The following PIEZO2 variants were observed in gnomAD, a reference collection of about 807,000 sequenced individuals.
The protein encoded by PIEZO2 is piezo-type mechanosensitive ion channel component 2.
A neutral mutation model predicts 337.3 loss-of-function variants in PIEZO2; 172 were observed. The observed-to-expected ratio is 0.51, with a 90% CI of 0.45 to 0.58. The LOEUF (loss-of-function observed/expected upper bound fraction) is 0.58, where lower values mean the gene tolerates loss of function less well. Ranked by LOEUF, PIEZO2 falls within the 20% of genes least tolerant of loss-of-function variation. The pLI is 0.00. For missense variants in PIEZO2, 3,028 were observed against 3,391.3 expected (o/e 0.89, Z 2.66); for synonymous variants, 1,251 against 1,228.5 (o/e 1.02, Z -0.38).
chr18:10,731,949 T>C (rs981649798), intron 35 of PIEZO2, among the ~76,000 whole-genome samples: 15 of 152,144 alleles, frequency 9.9e-5, no homozygotes, highest in Non-Finnish European at 1.8e-4. Flanking sequence ...TTTGGGAAAA[T>C]AGTTTTGTGC....
rs2040367978 is a variant in PIEZO2, at chr18:11,132,465, A to G, written c.64+16060T>C. On this transcript the variant is annotated intron_variant, in intron 1 of 55. Transcript: ENST00000674853. The surrounding 1 kb of genome is among the most constrained non-coding windows in gnomAD (Gnocchi z 4.7). ...TTGCAGGGCTGGGGCAAAGTTCTCC[A>G]GAAGGCCGTGTATGCTCTGAATCAA... Among the ~76,000 whole-genome samples, 1 of 152,206 alleles carries G rather than the reference A, an allele frequency of 6.6e-6. No individual in the cohort carries two copies. The highest frequency in any genetic ancestry group is 2.4e-5 in the African/African-American group (1 of 41,468).
In PIEZO2 at chr18:11,148,825, T is replaced by C. The variant is rs1380122389; in HGVS notation, c.-237A>G. The C allele has an allele frequency of 9.1e-6, 4 of 440,792 alleles. No homozygotes were observed. The highest frequency in any genetic ancestry group is 5.8e-4 in the Middle Eastern group (1 of 1,716). 27.3% of individuals were successfully genotyped at this position (440,792 alleles called of 1,614,324 possible). On this transcript the variant is annotated 5_prime_UTR_variant, in exon 1 of 56. Transcript: ENST00000674853. This position sits in a 1 kb window ranked among gnomAD's most constrained non-coding sequence, Gnocchi z 5.2. ...CCTCACCAGGCTCTTGGCGGCCACC[T>C]AGCCCGGCGCCCGGCCCCCTGCGGC...
rs2038249734 is a variant in PIEZO2 at position 11,069,074 on chromosome 18, G to A, written c.65-2852C>T. Among the ~76,000 whole-genome samples the A allele has an allele frequency of 6.6e-6, 1 of 152,022 alleles. No individual in the cohort carries two copies. The highest frequency in any genetic ancestry group is 6.6e-5 in the Admixed American group (1 of 15,266). ...AAATGAATAAATAAATAAAAGCCCA[G>A]GACCTCATGAATTCTACCAAACATT... On this transcript the variant is annotated intron_variant, in intron 1 of 55. Coordinates refer to ENST00000674853, the MANE Select transcript of PIEZO2 (RefSeq NM_001378183.1). The surrounding 1 kb of genome is among the most constrained non-coding windows in gnomAD (Gnocchi z 4.9).
chr18:10,764,076 G>T (rs984769847), intron 21 of PIEZO2, among the ~76,000 whole-genome samples: 1 of 152,154 alleles, frequency 6.6e-6, no homozygotes, highest in Non-Finnish European at 1.5e-5. Context: ...ATGCGAGTTC[G>T]TTGATCAGGC....
intron 1 of PIEZO2, among the ~76,000 whole-genome samples, chr18:11,114,601 G>T (rs2039830933): frequency 6.6e-6 from 1 of 152,092 alleles, no homozygotes; most frequent in Admixed American, 6.6e-5. Flanking sequence ...GGAGGTGGAG[G>T]TTGCAGTGAG....
intron 49 of PIEZO2, among the ~76,000 whole-genome samples, chr18:10,688,252 C>A (rs759737069): frequency 6.6e-6 from 1 of 152,084 alleles, no homozygotes; most frequent in Non-Finnish European, 1.5e-5. Flanking sequence ...TGAGAACATG[C>A]GGTGTTTGGT....
chr18:10,900,139 G>C (rs967451690), intron 4 of PIEZO2, among the ~76,000 whole-genome samples: 1 of 151,414 alleles, frequency 6.6e-6, no homozygotes, highest in African/African-American at 2.4e-5. Flanking sequence ...CCTAGGTAAA[G>C]CTCTCAACAG....
intron 2 of PIEZO2, among the ~76,000 whole-genome samples, chr18:11,022,047 T>C (rs2036331457): frequency 6.6e-6 from 1 of 152,176 alleles, no homozygotes; most frequent in African/African-American, 2.4e-5. Flanking sequence ...TGAAACACTT[T>C]GTAATCGATC....
chr18:11,085,915 C>A (rs991886982), intron 1 of PIEZO2, among the ~76,000 whole-genome samples: 59 of 151,144 alleles, frequency 3.9e-4, no homozygotes, highest in Non-Finnish European at 4.0e-4. Context: ...ATAATGGAAA[C>A]CCTAATGGTA....
intron 1 of PIEZO2, among the ~76,000 whole-genome samples, chr18:11,117,115 A>C (rs1448429975): frequency 6.6e-6 from 1 of 152,206 alleles, no homozygotes; most frequent in Non-Finnish European, 1.5e-5. Flanking sequence ...CCCCCACAAA[A>C]AAATTGTGTA....
In PIEZO2 at chr18:10,794,988, G is replaced by T. The variant is rs1598489450; in HGVS notation, c.1542C>A (p.Thr514=). The T allele has an allele frequency of 6.5e-7, 1 of 1,548,000 alleles. No homozygotes were observed. Among genetic ancestry groups the T allele is most frequent in the Non-Finnish European group, 8.7e-7 (1 of 1,147,012 alleles). The part of the protein sequence containing the change: ...ALIAMMAWSI[T]YHSWLTFVLL... ...GCACGAAGGTCAGCCAGCTGTGATA[G>T]GTGATGCTCCAGGCCTCCGGAGGAC... is the stretch of plus-strand genomic sequence containing the variant. Residue 514 remains threonine (T), a synonymous_variant, in exon 13 of 56, where the codon ACC becomes ACA. Coordinates refer to ENST00000674853, the MANE Select transcript of PIEZO2 (RefSeq NM_001378183.1). This position sits in a 1 kb window ranked among gnomAD's most constrained non-coding sequence, Gnocchi z 6.6.
chr18:10,855,258 C>T lies in PIEZO2; in HGVS notation c.917+95G>A. ...GCTTAACACAGCAATTGCCTGCCATCAAGAATAACCCCTGTAAATTCACAA... is the reference window on the plus strand; with the variant it reads ...GCTTAACACAGCAATTGCCTGCCATTAAGAATAACCCCTGTAAATTCACAA... On this transcript the variant is annotated intron_variant, in intron 7 of 55. Coordinates refer to ENST00000674853, the MANE Select transcript of PIEZO2 (RefSeq NM_001378183.1). This position sits in a 1 kb window ranked among gnomAD's most constrained non-coding sequence, Gnocchi z 4.9. The T allele has an allele frequency of 8.8e-7, 1 of 1,132,478 alleles. No individual in the cohort carries two copies. The highest frequency in any genetic ancestry group is 1.5e-5 in the South Asian group (1 of 68,346). The allele number at this position is 1,132,478 out of a possible 1,614,324, so 70.2% of individuals were successfully genotyped here. A position where few individuals can be genotyped will look rare whatever the true frequency, so the allele number is the denominator to read the frequency against.
intron 2 of PIEZO2, among the ~76,000 whole-genome samples, chr18:11,055,348 G>A (rs936653246): frequency 6.6e-6 from 1 of 152,162 alleles, no homozygotes; most frequent in African/African-American, 2.4e-5. Context: ...TCTTGCTATG[G>A]ATTTGTCGCA....
In PIEZO2 at chr18:10,748,685, T is replaced by C; in HGVS notation, c.4265-55A>G. The C allele has an allele frequency of 7.2e-7, 1 of 1,384,416 alleles. No individual in the cohort carries two copies. The highest frequency in any genetic ancestry group is 9.4e-7 in the Non-Finnish European group (1 of 1,061,592). The allele number at this position is 1,384,416 out of a possible 1,614,324, so 85.8% of individuals were successfully genotyped here. A position where few individuals can be genotyped will look rare whatever the true frequency, so the allele number is the denominator to read the frequency against. ...AAATTAACATCCATTTTCATTGTAA[T>C]TTTATAAAATCTGAGGTATGGTCAG... is the stretch of plus-strand genomic sequence containing the variant. On this transcript the variant is annotated intron_variant, in intron 29 of 55. Transcript: ENST00000674853. This position sits in a 1 kb window ranked among gnomAD's most constrained non-coding sequence, Gnocchi z 5.1.
At chr18:10,851,627 T>C (rs1478815878) in intron 7 of PIEZO2, among the ~76,000 whole-genome samples, 3 of 152,230 alleles carry the variant, frequency 2.0e-5, no homozygotes, top group South Asian at 2.1e-4. Context: ...TTTGGTGCCA[T>C]GTATGAGCTA....
rs953781594 is a variant in PIEZO2 at position 11,078,468 on chromosome 18, A to G, written c.65-12246T>C. The stretch of plus-strand genomic sequence containing the variant: ...CCAACATTACATCTTAACAACTAAT[A>G]CAGCCGTAAATTGATTAAAATTACT... On this transcript the variant is annotated intron_variant, in intron 1 of 55. Transcript: ENST00000674853. The surrounding 1 kb of genome is among the most constrained non-coding windows in gnomAD (Gnocchi z 5.3). Among the ~76,000 whole-genome samples, 2 of 152,194 alleles carry G rather than the reference A, an allele frequency of 1.3e-5. No individual in the cohort carries two copies. The highest frequency in any genetic ancestry group is 2.9e-5 in the Non-Finnish European group (2 of 68,030).
Position 10,988,818 on chromosome 18 carries a change from G to A in PIEZO2, c.161-9158C>T, listed in dbSNP as rs1414095367. ...ATGGAGGGAGGGCATTACGTTAAGT[G>A]AAATAAGCTAGACACAAACAAATAC... On this transcript the variant is annotated intron_variant, in intron 2 of 55. Transcript: ENST00000674853. This position sits in a 1 kb window ranked among gnomAD's most constrained non-coding sequence, Gnocchi z 4.8. Among the ~76,000 whole-genome samples the A allele has an allele frequency of 6.6e-6, 1 of 152,144 alleles. No individual in the cohort carries two copies. The highest frequency in any genetic ancestry group is 6.6e-5 in the Admixed American group (1 of 15,266).
Position 10,766,106 on chromosome 18 carries a change from A to G in PIEZO2, c.2947-3008T>C, listed in dbSNP as rs1044736190. On this transcript the variant is annotated intron_variant, in intron 21 of 55. Transcript: ENST00000674853. This position sits in a 1 kb window ranked among gnomAD's most constrained non-coding sequence, Gnocchi z 6.1. ...GATACTTCATTCCATACAAATATCA[A>G]GCCCAGTGCAAACCTCAGTGCGCCT... is the stretch of plus-strand genomic sequence containing the variant. Among the ~76,000 whole-genome samples, 1 of 152,148 alleles carries G rather than the reference A, an allele frequency of 6.6e-6. No homozygotes were observed. Among genetic ancestry groups the G allele is most frequent in the Non-Finnish European group, 1.5e-5 (1 of 68,026 alleles).
At chr18:10,999,200 A>T (rs1483679555) in intron 2 of PIEZO2, among the ~76,000 whole-genome samples, 1 of 151,866 alleles carries the variant, frequency 6.6e-6, no homozygotes, top group African/African-American at 2.4e-5. Context: ...AAAAAAAAAA[A>T]ATCAGTTTAT....
Sources: gnomAD v4.1 joint callset for allele counts (sites outside exome capture counted in the v4.1 genomes callset) on GRCh38, gnomAD v4.1.1 for gene constraint, Gnocchi (gnomAD v3.1) non-coding constraint, MANE v1.5 for transcripts, NCBI Gene and HGNC (gene_info 2026-07-23, HGNC 2026-07-21) for gene names.